Variants in ACSS1 observed in about 807,000 individuals in gnomAD.
ACSS1 encodes acetyl-coenzyme A synthetase 2-like, mitochondrial.
A neutral mutation model predicts 75.3 loss-of-function variants in ACSS1; 42 were observed. The ratio of observed to expected loss-of-function variants is 0.56; its 90% confidence interval spans 0.44 to 0.72. ACSS1 has a LOEUF of 0.72. Ranked by LOEUF, ACSS1 falls within the 30% of genes least tolerant of loss-of-function variation. The pLI is 0.00. For missense variants in ACSS1, 782 were observed against 935.7 expected (o/e 0.84, Z 2.14); for synonymous variants, 380 against 376.8 (o/e 1.01, Z -0.10).
In ACSS1 at chr20:25,017,285, T is replaced by C. The variant is rs549908837; in HGVS notation, c.1247-2055A>G. Among the ~76,000 whole-genome samples the C allele has an allele frequency of 7.2e-5, 11 of 152,312 alleles. No individual in the cohort carries two copies. The South Asian group carries it at 2.3e-3, about 32-fold the overall frequency. ...AAATACAAATCTAGGGGGAATGTCT[T>C]GAGTGAGTGGGATTCTGACGACTCA... On this transcript the variant is annotated intron_variant, in intron 7 of 13. Coordinates refer to ENST00000323482, the MANE Select transcript of ACSS1 (RefSeq NM_032501.4).
intron 5 of ACSS1, among the ~76,000 whole-genome samples, chr20:25,021,869 A>C (rs2088630894): frequency 6.6e-6 from 1 of 152,198 alleles, no homozygotes; most frequent in African/African-American, 2.4e-5. Context: ...AATCCCCTTT[A>C]TTCTTCCACA....
In ACSS1 at chr20:25,058,009, TC is replaced by T; in HGVS notation, c.93del (p.Ser32AlafsTer30). 1 of 1,460,138 alleles carries T rather than the reference TC, an allele frequency of 6.8e-7. No homozygotes were observed. The allele number at this position is 1,460,138 out of a possible 1,614,324, so 90.4% of individuals were successfully genotyped here. A position where few individuals can be genotyped will look rare whatever the true frequency, so the allele number is the denominator to read the frequency against. ...CCCGAGGCCGCCCTGCGCGGCGCGCTCACCCCGCACGGCGGCCGCGCGGGCT... is the reference window on the plus strand; with the variant it reads ...CCCGAGGCCGCCCTGCGCGGCGCGCTACCCCGCACGGCGGCCGCGCGGGCT... The part of the protein sequence containing the change: ...SGQPARPPCG[V>X]SAPRRAASGP... On this transcript the variant is annotated frameshift_variant, in exon 1 of 14. Coordinates refer to ENST00000323482, the MANE Select transcript of ACSS1 (RefSeq NM_032501.4). LOFTEE classifies it high-confidence loss of function.
At position 25,012,013 on chromosome 20, in the gene ACSS1, C is replaced by A. The variant is rs529801686; in HGVS notation, c.1771+588G>T. 5.1e-5 allele frequency: 8 copies of A among 156,804 alleles called. No homozygotes were observed. The East Asian group carries it at 9.5e-4, about 19-fold the overall frequency. The allele number at this position is 156,804 out of a possible 1,614,324, so 9.7% of individuals were successfully genotyped here. A position where few individuals can be genotyped will look rare whatever the true frequency, so the allele number is the denominator to read the frequency against. On this transcript the variant is annotated intron_variant, in intron 12 of 13. Coordinates refer to ENST00000323482, the MANE Select transcript of ACSS1 (RefSeq NM_032501.4). Reference sequence around the variant, plus strand: ...TGCTCCCGCCCCTTCCCAGACCCAGCCACCAAGAAGCTGGCAGACTCGAAA... The same window carrying A: ...TGCTCCCGCCCCTTCCCAGACCCAGACACCAAGAAGCTGGCAGACTCGAAA...
At chr20:25,040,177 C>T (rs1282716750) in intron 2 of ACSS1, among the ~76,000 whole-genome samples, 1 of 152,184 alleles carries the variant, frequency 6.6e-6, no homozygotes, top group Admixed American at 6.5e-5. Context: ...GGAGATTTTT[C>T]AGGTCCCACT....
At chr20:25,046,257 G>A (rs910526) in intron 2 of ACSS1, 27,081 of 152,680 alleles carry the variant, frequency 0.18, 2,743 homozygotes, top group African/African-American at 0.26. Context: ...TATTTTTAGA[G>A]ACAGAGTAAT....
intron 3 of ACSS1, among the ~76,000 whole-genome samples, chr20:25,025,965 G>A (rs967959468): frequency 2.0e-5 from 3 of 152,080 alleles, no homozygotes; most frequent in African/African-American, 7.2e-5. Flanking sequence ...ACAGCTTCTG[G>A]GGGATTACAG....
chr20:25,036,475 G>A (rs1372158445), intron 2 of ACSS1, among the ~76,000 whole-genome samples: 1 of 147,818 alleles, frequency 6.8e-6, no homozygotes, highest in Non-Finnish European at 1.5e-5. Flanking sequence ...TCCAAAACAG[G>A]AAACAGCTGG....
intron 10 of ACSS1, 107 bp from the exon 11 acceptor site, chr20:25,013,046 C>T (rs2088442791): frequency 1.4e-5 from 22 of 1,524,798 alleles, no homozygotes; most frequent in East Asian, 2.3e-5. Flanking sequence ...TGAAGTCTCG[C>T]CCATCGGCCC....
chr20:25,010,064 T>G (rs2088378584), intron 12 of ACSS1: 1 of 152,354 alleles, frequency 6.6e-6, no homozygotes, highest in Admixed American at 6.5e-5. Context: ...TGAAGAGGGA[T>G]CTAATTTGAT....
intron 2 of ACSS1, chr20:25,046,958 G>T (rs2089102756): frequency 2.6e-6 from 2 of 778,654 alleles, no homozygotes; most frequent in East Asian, 4.9e-5. Context: ...GCCGAGGCTG[G>T]TGGAGCTGTG....
At chr20:25,015,303 T>C in intron 7 of ACSS1, 73 bp from the exon 8 acceptor site, 1 of 1,340,432 alleles carries the variant, frequency 7.5e-7, no homozygotes, top group East Asian at 2.4e-5. Flanking sequence ...AGTTTTGTTT[T>C]TTGTTTTTTG....
chr20:25,025,329 T>C (rs2088696666), intron 3 of ACSS1, among the ~76,000 whole-genome samples: 1 of 152,218 alleles, frequency 6.6e-6, no homozygotes, highest in Admixed American at 6.5e-5. Flanking sequence ...ACCATGAGCA[T>C]GTCTGGCCCA....
intron 7 of ACSS1, 113 bp from the exon 8 acceptor site, chr20:25,015,343 C>T: frequency 1.2e-6 from 1 of 837,622 alleles, no homozygotes; most frequent in African/African-American, 1.7e-5. Flanking sequence ...CTGAGTCTCA[C>T]TCTGTCTCCC....
chr20:25,021,337 C>T, intron 6 of ACSS1, 52 bp downstream of exon 6: 1 of 1,593,680 alleles, frequency 6.3e-7, no homozygotes, highest in Non-Finnish European at 8.5e-7. Flanking sequence ...GAGCCTCAGG[C>T]TCTCTCCCCT....
At chr20:25,016,912 C>T (rs1017120115) in intron 7 of ACSS1, among the ~76,000 whole-genome samples, 1 of 152,182 alleles carries the variant, frequency 6.6e-6, no homozygotes, top group African/African-American at 2.4e-5. Flanking sequence ...AGGAACTTAA[C>T]TGCAGAGACA....
rs1432185984 is a variant in ACSS1 at position 25,046,761 on chromosome 20, T to C, written c.431+1324A>G. 5.1e-6 allele frequency: 4 copies of C among 778,906 alleles called. No individual in the cohort carries two copies. In the East Asian group the frequency reaches 9.7e-5, roughly 19 times the overall value. 48.2% of individuals were successfully genotyped at this position (778,906 alleles called of 1,614,324 possible). On this transcript the variant is annotated intron_variant, in intron 2 of 13. Coordinates refer to ENST00000323482, the MANE Select transcript of ACSS1 (RefSeq NM_032501.4). The stretch of plus-strand genomic sequence containing the variant: ...CTTGGGTCTTCAGAGCCAAGCACAC[T>C]CCAGTGTGCAGGGGCCACCTGGGGG...
intron 3 of ACSS1, 61 bp downstream of exon 3, chr20:25,030,698 C>T (rs2050705564): frequency 1.9e-6 from 3 of 1,581,450 alleles, no homozygotes; most frequent in African/African-American, 1.4e-5. Flanking sequence ...GATGGCCAGG[C>T]CCCCAGGAAC....
chr20:25,013,669 A>G lies in ACSS1; in HGVS notation c.1453-7T>C, dbSNP rs1168111472. On this transcript the variant is annotated splice_polypyrimidine_tract_variant and splice_region_variant and intron_variant, in intron 9 of 13. Coordinates refer to ENST00000323482, the MANE Select transcript of ACSS1 (RefSeq NM_032501.4). The stretch of plus-strand genomic sequence containing the variant: ...TGCCCTCCACGACGCTGCCCTGTAG[A>G]CCCCGGACATGCAAGTGAGACAGGG... 1 of 1,590,474 alleles carries G rather than the reference A, an allele frequency of 6.3e-7. No individual in the cohort carries two copies. Among genetic ancestry groups the G allele is most frequent in the Non-Finnish European group, 8.6e-7 (1 of 1,167,332 alleles).
intron 1 of ACSS1, among the ~76,000 whole-genome samples, chr20:25,055,362 C>G (rs2089227205): frequency 1.3e-5 from 2 of 152,196 alleles, no homozygotes; most frequent in African/African-American, 2.4e-5. Context: ...ACAGGGAAAG[C>G]AAGAAATCAA....
Sources: allele counts gnomAD v4.1 joint callset (sites outside exome capture counted in the v4.1 genomes callset), GRCh38; gene constraint gnomAD v4.1.1; transcripts MANE v1.5; gene names NCBI Gene and HGNC (gene_info 2026-07-23, HGNC 2026-07-21).